RUVBL1: variants seen among roughly 807,000 people sequenced by gnomAD.
RUVBL1 encodes ruvB-like 1.
A neutral mutation model predicts 52.4 loss-of-function variants in RUVBL1; 4 were observed. That is an observed-to-expected ratio of 0.08 (90% CI 0.04 to 0.17). The LOEUF (loss-of-function observed/expected upper bound fraction) is 0.17. Among genes scored for constraint, RUVBL1 ranks in the 10% least tolerant of loss-of-function variants. The pLI, the probability that RUVBL1 is intolerant of heterozygous loss-of-function variation, is 1.00. For missense variants in RUVBL1, 298 were observed against 572.8 expected (o/e 0.52, Z 4.90); for synonymous variants, 217 against 214.4 (o/e 1.01, Z -0.10).
intron 1 of RUVBL1, among the ~76,000 whole-genome samples, chr3:128,140,232 G>T (rs12496052): frequency 0.37 from 43,112 of 115,486 alleles, 11,517 homozygotes; most frequent in African/African-American, 0.71. Flanking sequence ...TTGTTTGTTT[G>T]TTTTTTTTTT....
At chr3:128,145,354 T>A (rs1041955909) in intron 1 of RUVBL1, among the ~76,000 whole-genome samples, 3 of 152,162 alleles carry the variant, frequency 2.0e-5, no homozygotes, top group Non-Finnish European at 4.4e-5. Context: ...ACACAAGCAG[T>A]GTCTGTGCTT....
At chr3:128,126,269 G>A (rs1943790256), upstream of RUVBL1, among the ~76,000 whole-genome samples, 1 of 152,132 alleles carries the variant, frequency 6.6e-6, no homozygotes, top group Non-Finnish European at 1.5e-5. Flanking sequence ...TGATGGGCCA[G>A]GGGCGGTGGT....
Position 128,081,225 on chromosome 3 carries a change from C to G in RUVBL1, c.*25G>C. Reference sequence around the variant, plus strand: ...CAGGCCAGGCACACCTGGGGAGTCTCTTACTGCTGAAAACCTCAGCCATCT... The same window carrying G: ...CAGGCCAGGCACACCTGGGGAGTCTGTTACTGCTGAAAACCTCAGCCATCT... On this transcript the variant is annotated 3_prime_UTR_variant, in exon 11 of 11. Coordinates refer to ENST00000322623, the MANE Select transcript of RUVBL1 (RefSeq NM_003707.3). This position sits in a 1 kb window ranked among gnomAD's most constrained non-coding sequence, Gnocchi z 4.8. 1 of 1,606,904 alleles carries G rather than the reference C, an allele frequency of 6.2e-7. No individual in the cohort carries two copies. The highest frequency in any genetic ancestry group is 8.5e-7 in the Non-Finnish European group (1 of 1,174,842).
intron 1 of RUVBL1, among the ~76,000 whole-genome samples, chr3:128,139,665 A>G (rs1943991195): frequency 6.6e-6 from 1 of 152,236 alleles, no homozygotes; most frequent in South Asian, 2.1e-4. Flanking sequence ...CTAAGTGTCC[A>G]TTAACAGGTG....
rs747620112 is a variant in RUVBL1, at chr3:128,067,445, C to T, written c.940-2225G>A. ...GGACACGTCTTCTGGGGGCCCAGCACGTGCTTATCCAGTTGGTGGCCTTTG... is the reference window on the plus strand; with the variant it reads ...GGACACGTCTTCTGGGGGCCCAGCATGTGCTTATCCAGTTGGTGGCCTTTG... On this transcript the variant is annotated intron_variant, in intron 9 of 9. Transcript: ENST00000464873. The surrounding 1 kb of genome is among the most constrained non-coding windows in gnomAD (Gnocchi z 4.1). 2.5e-6 allele frequency: 4 copies of T among 1,613,730 alleles called. No homozygotes were observed. The highest frequency in any genetic ancestry group is 3.4e-6 in the Non-Finnish European group (4 of 1,179,916).
intron 8 of RUVBL1, among the ~76,000 whole-genome samples, chr3:128,088,986 T>C (rs1942742697): frequency 1.3e-5 from 2 of 152,194 alleles, no homozygotes; most frequent in Non-Finnish European, 2.9e-5. Context: ...ACTATCCTAA[T>C]TTATAGAGCT....
intron 1 of RUVBL1, among the ~76,000 whole-genome samples, chr3:128,147,473 G>A (rs1474785893): frequency 6.6e-6 from 1 of 152,138 alleles, no homozygotes; most frequent in Non-Finnish European, 1.5e-5. Context: ...CAGGAGGCTG[G>A]GGCGGGAGGA....
intron 2 of RUVBL1, among the ~76,000 whole-genome samples, chr3:128,114,973 A>G (rs1298281519): frequency 6.6e-6 from 1 of 152,050 alleles, no homozygotes; most frequent in East Asian, 1.9e-4. Context: ...GAAGAGATGA[A>G]CATACTTCCA....
intron 1 of RUVBL1, among the ~76,000 whole-genome samples, chr3:128,143,466 C>G (rs1944061344): frequency 6.6e-6 from 1 of 152,176 alleles, no homozygotes; most frequent in Non-Finnish European, 1.5e-5. Flanking sequence ...CCACAGTGCC[C>G]CGCCAAGACC....
intron 9 of RUVBL1, chr3:128,071,773 A>G (rs1010633556): frequency 6.6e-5 from 10 of 152,616 alleles, no homozygotes; most frequent in African/African-American, 2.4e-4. Flanking sequence ...GTGTGTGTCA[A>G]AGGCTTGGTT....
chr3:128,097,505 G>T lies in RUVBL1; in HGVS notation c.818-7C>A. ...ATCTCCCCTCGAAGTTTGTCTAGGA[G>T]ATGCAAGGATGGGCAGGCAAGGTCA... On this transcript the variant is annotated splice_region_variant and splice_polypyrimidine_tract_variant and intron_variant, in intron 7 of 10. Coordinates refer to ENST00000322623, the MANE Select transcript of RUVBL1 (RefSeq NM_003707.3). 6.2e-7 allele frequency: 1 copy of T among 1,613,966 alleles called. No homozygotes were observed. The highest frequency in any genetic ancestry group is 8.5e-7 in the Non-Finnish European group (1 of 1,179,848).
At chr3:128,114,476 C>A (rs996296688) in intron 2 of RUVBL1, among the ~76,000 whole-genome samples, 2 of 152,204 alleles carry the variant, frequency 1.3e-5, no homozygotes, top group Non-Finnish European at 2.9e-5. Context: ...CAGCAAATCT[C>A]AGGTGCCCGA....
chr3:128,072,770 A>G (rs1434371442), intron 9 of RUVBL1, among the ~76,000 whole-genome samples: 1 of 152,190 alleles, frequency 6.6e-6, no homozygotes, highest in Non-Finnish European at 1.5e-5. Flanking sequence ...TGCCTCAGGT[A>G]TTCGTTTGCA....
intron 2 of RUVBL1, among the ~76,000 whole-genome samples, chr3:128,115,552 A>C (rs933659262): frequency 6.6e-6 from 1 of 152,238 alleles, no homozygotes; most frequent in African/African-American, 2.4e-5. Context: ...TCCTTCATAC[A>C]CATTGGAAGG....
At chr3:128,066,210 T>C (rs772868366) in intron 9 of RUVBL1, among the ~76,000 whole-genome samples, 11 of 152,138 alleles carry the variant, frequency 7.2e-5, no homozygotes, top group Non-Finnish European at 1.3e-4. Flanking sequence ...GGAACTATTA[T>C]AAGGTGTGAG....
chr3:128,106,331 T>C (rs1458689305), intron 3 of RUVBL1, among the ~76,000 whole-genome samples: 3 of 152,268 alleles, frequency 2.0e-5, no homozygotes, highest in South Asian at 4.1e-4. Context: ...CCAAGAATCA[T>C]TGTTAAATTA....
chr3:128,103,787 C>G (rs924117018), intron 4 of RUVBL1, among the ~76,000 whole-genome samples: 2 of 152,148 alleles, frequency 1.3e-5, no homozygotes, highest in Non-Finnish European at 2.9e-5. Flanking sequence ...CATACACACA[C>G]GCAAACATAT....
Position 128,067,151 on chromosome 3 carries a change from G to C in RUVBL1, c.940-1931C>G, listed in dbSNP as rs1037950065. 2.5e-6 allele frequency: 4 copies of C among 1,614,018 alleles called. No homozygotes were observed. The highest frequency in any genetic ancestry group is 3.4e-6 in the Non-Finnish European group (4 of 1,179,916). On this transcript the variant is annotated intron_variant, in intron 9 of 9. Transcript: ENST00000464873. This position sits in a 1 kb window ranked among gnomAD's most constrained non-coding sequence, Gnocchi z 4.1. ...TGGTCAGCCTGCTGGGCACCTGGTC[G>C]GTAAGTAGGCTCTTTGAAGATGAGC...
At chr3:128,072,095 G>A (rs1942182729) in intron 9 of RUVBL1, among the ~76,000 whole-genome samples, 1 of 152,252 alleles carries the variant, frequency 6.6e-6, no homozygotes, top group African/African-American at 2.4e-5. Context: ...TTGTGAGGCT[G>A]GCCTCAGACC....
Sources: gnomAD v4.1 joint callset for allele counts (sites outside exome capture counted in the v4.1 genomes callset) on GRCh38, gnomAD v4.1.1 for gene constraint, Gnocchi (gnomAD v3.1) non-coding constraint, MANE v1.5 for transcripts, NCBI Gene and HGNC (gene_info 2026-07-23, HGNC 2026-07-21) for gene names.